CABYR: variants seen among roughly 807,000 people sequenced by gnomAD.
The protein encoded by CABYR is calcium-binding tyrosine phosphorylation-regulated protein.
CABYR carries 31 observed loss-of-function variants against 36.1 expected under a neutral mutation model. The ratio of observed to expected loss-of-function variants is 0.86; its 90% CI spans 0.64 to 1.16. CABYR has a LOEUF of 1.16. CABYR is among the 50% of genes most tolerant of loss of function. The pLI is 0.00. For synonymous variants in CABYR, 146 were observed against 160.7 expected, an observed-to-expected ratio of 0.91 and a Z score of 0.69; for missense variants, 429 against 455.8, an observed-to-expected ratio of 0.94 and a Z score of 0.53.
chr18:24,149,015 G>A (rs997100990), intron 3 of CABYR, among the ~76,000 whole-genome samples: 10 of 152,124 alleles, frequency 6.6e-5, no homozygotes, highest in African/African-American at 2.2e-4. Context: ...TTGGTAGAGC[G>A]GAGTAGTCTG....
At position 24,160,175 on chromosome 18, in the gene CABYR, A is replaced by G. The variant is rs2085916246; in HGVS notation, c.1139+106A>G. The G allele has an allele frequency of 4.7e-6, 4 of 858,094 alleles. No individual in the cohort carries two copies. The East Asian group carries it at 9.8e-5, about 21-fold the overall frequency. The allele number at this position is 858,094 out of a possible 1,614,324, so 53.2% of individuals were successfully genotyped here. ...TAGATATTTAAAAACAATTTGAGAT[A>G]ATAAGTTGGGGTATACTCTAACTTC... is the stretch of plus-strand genomic sequence containing the variant. On this transcript the variant is annotated intron_variant, in intron 5 of 5. Coordinates refer to ENST00000399496, the MANE Select transcript of CABYR (RefSeq NM_153769.3).
chr18:24,149,448 T>C (rs1435844642), intron 3 of CABYR, among the ~76,000 whole-genome samples: 1 of 152,190 alleles, frequency 6.6e-6, no homozygotes, highest in African/African-American at 2.4e-5. Context: ...ACATAAAGGT[T>C]CTCCACGTCC....
intron 3 of CABYR, among the ~76,000 whole-genome samples, chr18:24,154,291 C>T (rs1284334747): frequency 1.3e-5 from 2 of 152,040 alleles, no homozygotes; most frequent in African/African-American, 4.8e-5. Flanking sequence ...ACCATTCTTA[C>T]ATGTAGTATG....
At chr18:24,155,659 C>A (rs1211128282) in intron 3 of CABYR, 42 bp from the exon 4 acceptor site, 1 of 1,380,908 alleles carries the variant, frequency 7.2e-7, no homozygotes, top group Non-Finnish European at 9.9e-7. Flanking sequence ...CTCTAAAAAT[C>A]TTTTTAGATG....
At position 24,143,523 on chromosome 18, in the gene CABYR, A is replaced by G. The variant is rs200553556; in HGVS notation, c.199+110A>G. On this transcript the variant is annotated intron_variant, in intron 3 of 5. Transcript: ENST00000399496. ...GGTGCCCACAAATTATTTTATGTTT[A>G]ATCACATTGTTCCTTTTTAAAATAT... 1.9e-5 allele frequency: 9 copies of G among 477,478 alleles called. No individual in the cohort carries two copies. The East Asian group carries it at 2.5e-4, about 14-fold the overall frequency. The allele number at this position is 477,478 out of a possible 1,614,324, so 29.6% of individuals were successfully genotyped here. A position where few individuals can be genotyped will look rare whatever the true frequency, so the allele number is the denominator to read the frequency against.
At chr18:24,145,740 G>A (rs370852760) in intron 3 of CABYR, among the ~76,000 whole-genome samples, 3 of 152,268 alleles carry the variant, frequency 2.0e-5, no homozygotes, top group African/African-American at 7.2e-5. Context: ...GTTGGGCCCA[G>A]CCAAAAATAA....
chr18:24,156,131 A>AT (rs1434575137), intron 4 of CABYR, 89 bp downstream of exon 4: 2 of 1,614,046 alleles, frequency 1.2e-6, no homozygotes, highest in East Asian at 4.5e-5. Flanking sequence ...AGGAGGTGCC[A>AT]AGCTCAGAGG....
chr18:24,156,643 C>T (rs1459373400), intron 4 of CABYR: 3 of 1,614,154 alleles, frequency 1.9e-6, no homozygotes, highest in East Asian at 4.5e-5. Flanking sequence ...TATATGGAGG[C>T]AGAAGCAACA....
chr18:24,155,331 G>A (rs1391058939), intron 3 of CABYR, among the ~76,000 whole-genome samples: 1 of 152,194 alleles, frequency 6.6e-6, no homozygotes, highest in Non-Finnish European at 1.5e-5. Flanking sequence ...GCGCTATTAA[G>A]TGTCACTTAT....
At chr18:24,152,833 C>T (rs1197737997) in intron 3 of CABYR, 1 of 152,068 alleles carries the variant, frequency 6.6e-6, no homozygotes, top group Non-Finnish European at 1.5e-5. Flanking sequence ...GTAAGTAAAT[C>T]AGTGGTTGGA....
Position 24,159,583 on chromosome 18 carries a change from G to A in CABYR, c.653G>A (p.Gly218Glu). The change falls in exon 5 of 6, where the codon GGG becomes GAG. Residue 218 changes from glycine to glutamate, a missense_variant. Physicochemically the swap from Gly to Glu is moderately conservative, Grantham distance 98. Coordinates refer to ENST00000399496, the MANE Select transcript of CABYR (RefSeq NM_153769.3). Reference protein sequence around the residue: ...QGHPSPPPAPGPFPQATLYLP... With the variant: ...QGHPSPPPAPEPFPQATLYLP... ...CACCCATCACCGCCACCTGCACCTG[G>A]GCCTTTTCCCCAAGCAACCCTCTAT... The A allele has an allele frequency of 6.2e-7, 1 of 1,613,790 alleles. No individual in the cohort carries two copies. The highest frequency in any genetic ancestry group is 8.5e-7 in the Non-Finnish European group (1 of 1,179,946).
intron 1 of CABYR, among the ~76,000 whole-genome samples, chr18:24,142,388 A>T (rs1300415494): frequency 5.5e-5 from 3 of 54,450 alleles, no homozygotes; most frequent in Non-Finnish European, 1.3e-4. Flanking sequence ...ATAGAAAAAA[A>T]CTTATCTTGT....
chr18:24,155,808 A>G lies in CABYR; in HGVS notation c.307A>G (p.Thr103Ala). ...AGTACCTACCCAGATGGAAAAATCT[A>G]CAGACACAGACGAGGACAATGTAAC... ...SKVPTQMEKSTDTDEDNVTRT... is the reference protein window; with the variant it reads ...SKVPTQMEKSADTDEDNVTRT... Residue 103 changes from threonine (T) to alanine (A), a missense_variant, in exon 4 of 6, where the codon ACA (threonine) becomes GCA (alanine). By Grantham distance (58) the Thr-to-Ala change is moderately conservative. Coordinates refer to ENST00000399496, the MANE Select transcript of CABYR (RefSeq NM_153769.3). 3 of 1,614,214 alleles carry G rather than the reference A, an allele frequency of 1.9e-6. No homozygotes were observed. The highest frequency in any genetic ancestry group is 2.2e-5 in the East Asian group (1 of 44,892).
chr18:24,142,393 T>C (rs960777570), intron 1 of CABYR, among the ~76,000 whole-genome samples: 1 of 151,688 alleles, frequency 6.6e-6, no homozygotes, highest in African/African-American at 2.4e-5. Context: ...AAAAAACTTA[T>C]CTTGTAACTG....
chr18:24,155,315 G>T (rs2085749848), intron 3 of CABYR, among the ~76,000 whole-genome samples: 1 of 152,150 alleles, frequency 6.6e-6, no homozygotes, highest in South Asian at 2.1e-4. Flanking sequence ...TATTAGTCTT[G>T]CTACTGCGCT....
At chr18:24,142,738 T>C (rs997325579) in intron 1 of CABYR, among the ~76,000 whole-genome samples, 5 of 152,048 alleles carry the variant, frequency 3.3e-5, no homozygotes, top group African/African-American at 1.2e-4. Flanking sequence ...TAATAGGAGA[T>C]AGTTTATTCT....
At chr18:24,157,682 C>T (rs2085827847) in intron 4 of CABYR, among the ~76,000 whole-genome samples, 1 of 152,202 alleles carries the variant, frequency 6.6e-6, no homozygotes, top group Non-Finnish European at 1.5e-5. Flanking sequence ...CTTTGATCAG[C>T]TCCCTCTTCC....
intron 4 of CABYR, chr18:24,156,481 TTAAAGAAAATGAGCAGTC>T: frequency 6.2e-7 from 1 of 1,614,162 alleles, no homozygotes; most frequent in Non-Finnish European, 8.5e-7. Context: ...GTTGCTTGTC[TTAAAGAAAATGAGCAGTC>T]AAAAGAAAAT....
At chr18:24,160,255 G>T in intron 5 of CABYR, 186 bp downstream of exon 5, 1 of 590,106 alleles carries the variant, frequency 1.7e-6, no homozygotes, top group Non-Finnish European at 3.0e-6. Flanking sequence ...ATGCACAGCA[G>T]GTGCACTGTA....
Sources: allele counts gnomAD v4.1 joint callset (sites outside exome capture counted in the v4.1 genomes callset), GRCh38; gene constraint gnomAD v4.1.1; transcripts MANE v1.5; gene names NCBI Gene and HGNC (gene_info 2026-07-23, HGNC 2026-07-21).